Variants in TACR1 observed in about 807,000 individuals in gnomAD.
The protein encoded by TACR1 is tachykinin receptor 1.
In TACR1, 25 loss-of-function variants were observed where a neutral mutation model predicts 35.8. That is an observed-to-expected ratio of 0.70 (90% CI 0.51 to 0.98). The LOEUF is 0.98. Among genes scored for constraint, TACR1 ranks in the 50% least tolerant of loss-of-function variants. The probability of loss-of-function intolerance (pLI) is 0.00; values close to 1 mark genes in which losing one functional copy is unlikely to be tolerated. For missense variants in TACR1, 478 were observed against 522.9 expected, an observed-to-expected ratio of 0.91 and a Z score of 0.84; for synonymous variants, 195 against 206.7, an observed-to-expected ratio of 0.94 and a Z score of 0.48.
chr2:75,136,930 C>T (rs1254989112), intron 1 of TACR1, among the ~76,000 whole-genome samples: 1 of 152,176 alleles, frequency 6.6e-6, no homozygotes, highest in Non-Finnish European at 1.5e-5. Context: ...CCTAGGAGAT[C>T]TGTGATGCCT....
intron 1 of TACR1, among the ~76,000 whole-genome samples, chr2:75,122,314 C>G (rs565616211): frequency 6.6e-6 from 1 of 152,256 alleles, no homozygotes; most frequent in East Asian, 1.9e-4. Flanking sequence ...GTGTTTGGAG[C>G]TTTCTTGTTT....
Position 75,051,335 on chromosome 2 carries a change from A to G in TACR1, c.848T>C (p.Ile283Thr), listed in dbSNP as rs1318186099. The G allele has an allele frequency of 1.2e-6, 2 of 1,614,086 alleles. No individual in the cohort carries two copies. The highest frequency in any genetic ancestry group is 1.3e-5 in the African/African-American group (1 of 74,934). Residue 283 changes from isoleucine to threonine, a missense_variant, in exon 4 of 5, where the codon ATC (isoleucine) becomes ACC (threonine). Coordinates refer to ENST00000305249, the MANE Select transcript of TACR1 (RefSeq NM_001058.4). ...INPDLYLKKF[I>T]QQVYLAIMWL... ...CATGATGGCCAGGTAGACCTGCTGG[A>G]TAAACTTCTTCAGGTAGAGATCTGG...
chr2:75,148,232 C>G (rs554292690), intron 1 of TACR1, among the ~76,000 whole-genome samples: 1 of 152,128 alleles, frequency 6.6e-6, no homozygotes, highest in South Asian at 2.1e-4. Flanking sequence ...TGGGTATATA[C>G]CCAGTAATGA....
At chr2:75,089,699 C>T (rs1673267646) in intron 2 of TACR1, among the ~76,000 whole-genome samples, 1 of 152,124 alleles carries the variant, frequency 6.6e-6, no homozygotes, top group Non-Finnish European at 1.5e-5. Context: ...GCGCTGGTGG[C>T]AGAGGCTGTC....
At chr2:75,189,509 T>C (rs974238133) in intron 1 of TACR1, 1 of 152,232 alleles carries the variant, frequency 6.6e-6, no homozygotes, top group East Asian at 1.9e-4. Flanking sequence ...TTTAAGATGT[T>C]GGAAATGAGA....
chr2:75,091,459 A>G (rs74966334), intron 2 of TACR1, among the ~76,000 whole-genome samples: 23 of 152,080 alleles, frequency 1.5e-4, no homozygotes, highest in African/African-American at 5.6e-4. Context: ...AGACCCTTCA[A>G]CTTTGTCAGT....
At chr2:75,153,211 A>G (rs564934767) in intron 1 of TACR1, among the ~76,000 whole-genome samples, 3 of 152,334 alleles carry the variant, frequency 2.0e-5, no homozygotes, top group South Asian at 2.1e-4. Flanking sequence ...AAGACTTCTT[A>G]TAAGAGTTCT....
At chr2:75,154,526 A>ACACACACACACACACACACACTCTCT (rs1379600710) in intron 1 of TACR1, 6 of 117,144 alleles carry the variant, frequency 5.1e-5, no homozygotes, top group African/African-American at 2.7e-4. Flanking sequence ...ACACACACAC[A>ACACACACACACACACACACACTCTCT]CTCTCTGAAG....
intron 1 of TACR1, among the ~76,000 whole-genome samples, chr2:75,139,591 T>C (rs1407190825): frequency 1.3e-5 from 2 of 152,160 alleles, no homozygotes; most frequent in African/African-American, 4.8e-5. Flanking sequence ...AGCCACTAGG[T>C]CTCTACATAG....
At chr2:75,057,667 G>C (rs1385236025) in intron 2 of TACR1, among the ~76,000 whole-genome samples, 1 of 152,226 alleles carries the variant, frequency 6.6e-6, no homozygotes, top group African/African-American at 2.4e-5. Context: ...GGTTTACCAG[G>C]AGTTGGAGGG....
intron 1 of TACR1, among the ~76,000 whole-genome samples, chr2:75,195,484 G>A (rs1675947722): frequency 6.6e-6 from 1 of 151,112 alleles, no homozygotes; most frequent in Non-Finnish European, 1.5e-5. Flanking sequence ...AATTAGTACT[G>A]CAATCTGCAA....
intron 2 of TACR1, among the ~76,000 whole-genome samples, chr2:75,057,104 A>G (rs147137807): frequency 0.014 from 2,086 of 152,328 alleles, 55 homozygotes; most frequent in African/African-American, 0.047. Context: ...AAGCTAAGCC[A>G]TCATATCCCC....
intron 1 of TACR1, chr2:75,154,410 G>GCA (rs766455987): frequency 0.055 from 4,162 of 75,478 alleles, 308 homozygotes; most frequent in East Asian, 0.13. Flanking sequence ...GAGCGCGCAC[G>GCA]CACACACACA....
chr2:75,090,748 C>T lies in TACR1; in HGVS notation c.584+29826G>A, dbSNP rs868696566. 9 of 153,980 alleles carry T rather than the reference C, an allele frequency of 5.8e-5. No individual in the cohort carries two copies. The Middle Eastern group carries it at 3.6e-3, about 62-fold the overall frequency. The allele number at this position is 153,980 out of a possible 1,614,324, so 9.5% of individuals were successfully genotyped here. ...AAATTTCTCAAGGAAGAGTGGTGAC[C>T]GTTCCCCATCAGACCCATAGTGTCA... On this transcript the variant is annotated intron_variant, in intron 2 of 4. Transcript: ENST00000305249.
intron 1 of TACR1, among the ~76,000 whole-genome samples, chr2:75,145,769 C>A (rs528801475): frequency 4.6e-4 from 70 of 152,302 alleles, no homozygotes; most frequent in African/African-American, 1.7e-3. Flanking sequence ...CCTAATACTG[C>A]ACTGTTGGAA....
At chr2:75,143,783 G>A (rs1674454869) in intron 1 of TACR1, among the ~76,000 whole-genome samples, 1 of 152,166 alleles carries the variant, frequency 6.6e-6, no homozygotes, top group Non-Finnish European at 1.5e-5. Flanking sequence ...CTGGAGACTG[G>A]ACGCTTACTC....
chr2:75,115,710 G>C (rs1383211678), intron 2 of TACR1, among the ~76,000 whole-genome samples: 1 of 151,938 alleles, frequency 6.6e-6, no homozygotes, highest in African/African-American at 2.4e-5. Context: ...ATCGAGACCA[G>C]CCTGGCTAAC....
chr2:75,139,052 G>A lies in TACR1; in HGVS notation c.390-18284C>T, dbSNP rs982704405. On this transcript the variant is annotated intron_variant, in intron 1 of 4. Transcript: ENST00000305249. ...CATAAAGGATGGATGGATTTGATCT[G>A]CTGGCCATAGTTTACTGACCTCTGT... Among the ~76,000 whole-genome samples the A allele has an allele frequency of 3.9e-5, 6 of 152,260 alleles. No homozygotes were observed. In the East Asian group the frequency reaches 5.8e-4, roughly 15 times the overall value.
chr2:75,116,619 A>G (rs1010032579), intron 2 of TACR1, among the ~76,000 whole-genome samples: 12 of 151,942 alleles, frequency 7.9e-5, no homozygotes, highest in African/African-American at 2.9e-4. Context: ...GTATAAAAGT[A>G]TTTTCTGGGC....
Sources: allele counts gnomAD v4.1 joint callset (sites outside exome capture counted in the v4.1 genomes callset), GRCh38; gene constraint gnomAD v4.1.1; transcripts MANE v1.5; gene names NCBI Gene and HGNC (gene_info 2026-07-23, HGNC 2026-07-21).